Variants in TAC4 observed in about 807,000 individuals in gnomAD.
TAC4 encodes the protein tachykinin precursor 4, also known as tachykinin-4.
TAC4 carries 17 observed loss-of-function variants against 17.7 expected under a neutral mutation model. That is an observed-to-expected ratio of 0.96 (90% CI 0.66 to 1.44). TAC4 has a LOEUF of 1.44. Among genes scored for constraint, TAC4 ranks in the 40% most tolerant of loss-of-function variants. TAC4 has a pLI of 0.00. For synonymous variants in TAC4, 62 were observed against 52.4 expected (o/e 1.18, Z -0.79); for missense variants, 118 against 125.6 (o/e 0.94, Z 0.29).
At chr17:49,839,728 C>T in intron 4 of TAC4, 122 bp downstream of exon 4, 2 of 902,806 alleles carry the variant, frequency 2.2e-6, no homozygotes, top group Non-Finnish European at 3.3e-6. Flanking sequence ...TGGGGGCCTC[C>T]CCATGATGGC....
chr17:49,844,587 G>A (rs564881292), intron 1 of TAC4, among the ~76,000 whole-genome samples: 31 of 152,122 alleles, frequency 2.0e-4, no homozygotes, highest in African/African-American at 7.0e-4. Flanking sequence ...GTGAAACCCC[G>A]TCTCTAATAA....
rs2074493682 is a variant in TAC4, at chr17:49,841,016, A to AC, written c.232+535dup. ...AGCCTCAGCTTCTGAAGTAGCTGGG[A>AC]CCACAGGCACCTGCCACTACACCGG... On this transcript the variant is annotated intron_variant, in intron 3 of 4. Coordinates refer to ENST00000436235, the MANE Select transcript of TAC4 (RefSeq NM_001077506.2). Among the ~76,000 whole-genome samples the AC allele has an allele frequency of 4.1e-5, 6 of 147,808 alleles. No individual in the cohort carries two copies. In the South Asian group the frequency reaches 1.3e-3, roughly 31 times the overall value.
At chr17:49,841,419 C>T (rs966900321) in intron 3 of TAC4, 133 bp downstream of exon 3, 3 of 918,906 alleles carry the variant, frequency 3.3e-6, no homozygotes, top group Admixed American at 3.6e-5. Flanking sequence ...ACTGGCCCCA[C>T]CTCTGCACAG....
Position 49,844,167 on chromosome 17 carries a change from CAG to C in TAC4, c.106-12_106-11del. ...TGGGGCCAGCGCCTTCCTGAAGAAGCAGAGAGTTAGTGTTAGAGTTGGGAGGT... is the reference window on the plus strand; with the variant it reads ...TGGGGCCAGCGCCTTCCTGAAGAAGCAGAGTTAGTGTTAGAGTTGGGAGGT... On this transcript the variant is annotated splice_polypyrimidine_tract_variant and intron_variant, in intron 1 of 4. Transcript: ENST00000436235. 6.2e-7 allele frequency: 1 copy of C among 1,613,466 alleles called. No individual in the cohort carries two copies. Among genetic ancestry groups the C allele is most frequent in the Non-Finnish European group, 8.5e-7 (1 of 1,179,520 alleles).
chr17:49,841,482 T>G, intron 3 of TAC4, 70 bp downstream of exon 3: 1 of 1,462,310 alleles, frequency 6.8e-7, no homozygotes, highest in Non-Finnish European at 9.1e-7. Context: ...ACCCACCTGG[T>G]TTGTTTGTGC....
intron 1 of TAC4, among the ~76,000 whole-genome samples, chr17:49,846,602 C>G (rs904874265): frequency 2.0e-5 from 3 of 152,132 alleles, no homozygotes; most frequent in African/African-American, 7.2e-5. Context: ...CTTAGCATCC[C>G]ACAGCATTTG....
chr17:49,839,501 G>A lies in TAC4; in HGVS notation c.292+349C>T, dbSNP rs1007348366. Among the ~76,000 whole-genome samples, 10 of 152,308 alleles carry A rather than the reference G, an allele frequency of 6.6e-5. No homozygotes were observed. The East Asian group carries it at 1.7e-3, about 26-fold the overall frequency. ...TCTAATGATCAATGATTAGTGTAACGATCAACGATTAGAGCTTTGCAAACA... is the reference window on the plus strand; with the variant it reads ...TCTAATGATCAATGATTAGTGTAACAATCAACGATTAGAGCTTTGCAAACA... On this transcript the variant is annotated intron_variant, in intron 4 of 4. Transcript: ENST00000436235.
chr17:49,848,029 A>G lies in TAC4; in HGVS notation c.-12T>C, dbSNP rs2074559287. On this transcript the variant is annotated 5_prime_UTR_variant, in exon 1 of 5. Transcript: ENST00000436235. ...AGGCAAGGCAGCATGGTGAGCCTGCACTGTCCTGGAATCTCTGGGAGCCCC... is the reference window on the plus strand; with the variant it reads ...AGGCAAGGCAGCATGGTGAGCCTGCGCTGTCCTGGAATCTCTGGGAGCCCC... 6.2e-7 allele frequency: 1 copy of G among 1,613,806 alleles called. No homozygotes were observed. Among genetic ancestry groups the G allele is most frequent in the Non-Finnish European group, 8.5e-7 (1 of 1,179,956 alleles).
chr17:49,841,433 T>C (rs1567874043), intron 3 of TAC4, 119 bp downstream of exon 3: 1 of 1,094,480 alleles, frequency 9.1e-7, no homozygotes, highest in South Asian at 1.9e-5. Flanking sequence ...TGCACAGCAA[T>C]GCCAGCCTGG....
chr17:49,839,450 A>G (rs547346614), intron 4 of TAC4, among the ~76,000 whole-genome samples: 2 of 152,340 alleles, frequency 1.3e-5, no homozygotes, highest in South Asian at 2.1e-4. Context: ...AAGGCAGAAA[A>G]TCTCTGAAGA....
intron 1 of TAC4, among the ~76,000 whole-genome samples, chr17:49,845,434 G>A (rs191819541): frequency 2.0e-5 from 3 of 152,342 alleles, no homozygotes; most frequent in Admixed American, 2.0e-4. Context: ...AGTTGAGAGA[G>A]TGACAGTGGG....
intron 2 of TAC4, among the ~76,000 whole-genome samples, chr17:49,842,028 C>G (rs1318012733): frequency 6.6e-6 from 1 of 150,786 alleles, no homozygotes; most frequent in Non-Finnish European, 1.5e-5. Flanking sequence ...CTCAGCCTCC[C>G]GAGTAGCCAG....
intron 1 of TAC4, chr17:49,846,979 C>G (rs2074545792): frequency 1.6e-6 from 2 of 1,289,858 alleles, no homozygotes; most frequent in Admixed American, 4.6e-5. Flanking sequence ...TGGAGACACT[C>G]CTAGCCCTGC....
chr17:49,839,928 AGTG>A lies in TAC4; in HGVS notation c.233-22_233-20del, dbSNP rs1202142062. ...TGATATGCTGGTGGTGGGAGAGAGA[AGTG>A]GTAGAGGAGAGAGGCAGCAGAGGTA... On this transcript the variant is annotated intron_variant, in intron 3 of 4. Transcript: ENST00000436235. 1.9e-6 allele frequency: 3 copies of A among 1,610,666 alleles called. No homozygotes were observed. The highest frequency in any genetic ancestry group is 2.5e-6 in the Non-Finnish European group (3 of 1,178,432).
chr17:49,847,174 G>A (rs1356332264), intron 1 of TAC4: 4 of 1,290,070 alleles, frequency 3.1e-6, no homozygotes, highest in Non-Finnish European at 4.0e-6. Flanking sequence ...GGAATGGGAG[G>A]AGTCAGGCCC....
chr17:49,844,022 C>T (rs1313373096), intron 2 of TAC4, 42 bp downstream of exon 2: 15 of 1,592,776 alleles, frequency 9.4e-6, no homozygotes, highest in East Asian at 6.7e-5. Context: ...AGAACCCACT[C>T]AGAACCCCTG....
chr17:49,838,592 G>A lies in TAC4; in HGVS notation c.*50C>T. 3.1e-6 allele frequency: 5 copies of A among 1,612,266 alleles called. No individual in the cohort carries two copies. Among genetic ancestry groups the A allele is most frequent in the Non-Finnish European group, 3.4e-6 (4 of 1,178,522 alleles). On this transcript the variant is annotated 3_prime_UTR_variant, in exon 5 of 5. Transcript: ENST00000436235. Reference sequence around the variant, plus strand: ...GCCGGCTTGTCAGCTGTGACATCCAGGTAGGAAGAAGCGGCACCGTGTCCT... The same window carrying A: ...GCCGGCTTGTCAGCTGTGACATCCAAGTAGGAAGAAGCGGCACCGTGTCCT...
At chr17:49,844,207 G>A (rs1424798673) in intron 1 of TAC4, 50 bp from the exon 2 acceptor site, 3 of 1,583,012 alleles carry the variant, frequency 1.9e-6, no homozygotes, top group South Asian at 1.1e-5. Flanking sequence ...TCCAGCAGAC[G>A]GGAGGCCAGC....
chr17:49,840,661 C>T (rs1005227334), intron 3 of TAC4, among the ~76,000 whole-genome samples: 3 of 151,962 alleles, frequency 2.0e-5, no homozygotes, highest in African/African-American at 7.3e-5. Flanking sequence ...CGCCACCACA[C>T]CGGACTAATT....
Sources: allele counts gnomAD v4.1 joint callset (sites outside exome capture counted in the v4.1 genomes callset), GRCh38; gene constraint gnomAD v4.1.1; transcripts MANE v1.5; gene names NCBI Gene and HGNC (gene_info 2026-07-23, HGNC 2026-07-21).